Variants in MMEL1 observed in about 807,000 individuals in gnomAD.
MMEL1 encodes the protein membrane metallo-endopeptidase-like 1.
In MMEL1, 98 loss-of-function variants were observed where a neutral mutation model predicts 117.1. The ratio of observed to expected loss-of-function variants is 0.84; its 90% CI spans 0.71 to 0.99. The LOEUF (loss-of-function observed/expected upper bound fraction) is 0.99. Among genes scored for constraint, MMEL1 ranks in the 50% least tolerant of loss-of-function variants. The probability of loss-of-function intolerance (pLI) is 0.00; values close to 1 mark genes in which losing one functional copy is unlikely to be tolerated. For synonymous variants in MMEL1, 390 were observed against 415.1 expected (o/e 0.94, Z 0.74); for missense variants, 1,014 against 1,049.1 (o/e 0.97, Z 0.46).
At position 2,612,818 on chromosome 1, in the gene MMEL1, A is replaced by G. The variant is rs963142948; in HGVS notation, c.155-614T>C. ...AACTGCCTGGAGAGATGTATGGGAG[A>G]GGAGGGTGGGATGGAGAGAAGAGGG... On this transcript the variant is annotated intron_variant, in intron 2 of 23. Coordinates refer to ENST00000378412, the MANE Select transcript of MMEL1 (RefSeq NM_033467.4). This position sits in a 1 kb window ranked among gnomAD's most constrained non-coding sequence, Gnocchi z 5.4. Among the ~76,000 whole-genome samples, 4 of 151,914 alleles carry G rather than the reference A, an allele frequency of 2.6e-5. No individual in the cohort carries two copies. The highest frequency in any genetic ancestry group is 2.9e-5 in the Non-Finnish European group (2 of 67,962).
At chr1:2,608,195 G>C (rs558622698) in intron 6 of MMEL1, among the ~76,000 whole-genome samples, 1 of 152,050 alleles carries the variant, frequency 6.6e-6, no homozygotes, top group Non-Finnish European at 1.5e-5. Context: ...TAAAGCCAGG[G>C]TCCCAGCGAG....
Position 2,598,846 on chromosome 1 carries a change from C to A in MMEL1, c.1042-56G>T. The A allele has an allele frequency of 5.4e-6, 8 of 1,483,180 alleles. No individual in the cohort carries two copies. The South Asian group carries it at 9.7e-5, about 18-fold the overall frequency. The allele number at this position is 1,483,180 out of a possible 1,614,324, so 91.9% of individuals were successfully genotyped here. A position where few individuals can be genotyped will look rare whatever the true frequency, so the allele number is the denominator to read the frequency against. On this transcript the variant is annotated intron_variant, in intron 11 of 23. Coordinates refer to ENST00000378412, the MANE Select transcript of MMEL1 (RefSeq NM_033467.4). ...GAGAGAGAGAGAGGGAGAAACAGTT[C>A]CTGGGAATCTAAGAAACCCAGCCCC...
chr1:2,616,742 G>C (rs1414422044), intron 2 of MMEL1, among the ~76,000 whole-genome samples: 1 of 152,200 alleles, frequency 6.6e-6, no homozygotes, highest in Admixed American at 6.5e-5. Flanking sequence ...CAGTGCCTCT[G>C]ATTCATTTGT....
chr1:2,628,155 G>A (rs925010591), intron 2 of MMEL1, among the ~76,000 whole-genome samples: 4 of 152,344 alleles, frequency 2.6e-5, no homozygotes, highest in South Asian at 4.1e-4. Context: ...CTCAGTGTGA[G>A]TGAGCCTTTC....
chr1:2,609,270 G>A (rs1347910216), intron 6 of MMEL1, 69 bp downstream of exon 6: 7 of 1,490,304 alleles, frequency 4.7e-6, no homozygotes, highest in African/African-American at 2.8e-5. Flanking sequence ...CTGGGGCTGC[G>A]CTAGGCCCTG....
chr1:2,611,365 A>C, intron 3 of MMEL1, 25 bp from the exon 4 acceptor site: 1 of 1,457,198 alleles, frequency 6.9e-7, no homozygotes, highest in Non-Finnish European at 9.1e-7. Flanking sequence ...CAGCCTGAGC[A>C]CCGGGAGCCA....
chr1:2,595,209 C>T lies in MMEL1; in HGVS notation c.1584+67G>A. On this transcript the variant is annotated intron_variant, in intron 16 of 23. Transcript: ENST00000378412. This position sits in a 1 kb window ranked among gnomAD's most constrained non-coding sequence, Gnocchi z 4.8. ...GGGCACAGAGCTTGGCACAGAGGAG[C>T]CCCCAGGCAATCAGGGCCCATGTCC... 7.0e-7 allele frequency: 1 copy of T among 1,422,088 alleles called. No individual in the cohort carries two copies. Among genetic ancestry groups the T allele is most frequent in the Non-Finnish European group, 9.8e-7 (1 of 1,017,464 alleles). The allele number at this position is 1,422,088 out of a possible 1,614,324, so 88.1% of individuals were successfully genotyped here.
chr1:2,608,955 CA>C (rs1213753409), intron 6 of MMEL1, among the ~76,000 whole-genome samples: 1 of 151,858 alleles, frequency 6.6e-6, no homozygotes, highest in Non-Finnish European at 1.5e-5. Context: ...AATATACATA[CA>C]TATACACACA....
At position 2,595,842 on chromosome 1, in the gene MMEL1, G is replaced by A. The variant is rs534968698; in HGVS notation, c.1500+167C>T. ...CGCCTCCCGGGGCTGCCTTCTCCCC[G>A]TGGGGTCCTGTCTGCGCCTCCCGGG... On this transcript the variant is annotated intron_variant, in intron 15 of 23. Coordinates refer to ENST00000378412, the MANE Select transcript of MMEL1 (RefSeq NM_033467.4). The surrounding 1 kb of genome is among the most constrained non-coding windows in gnomAD (Gnocchi z 4.8). Among the ~76,000 whole-genome samples, 12 of 148,264 alleles carry A rather than the reference G, an allele frequency of 8.1e-5. No individual in the cohort carries two copies. The East Asian group carries it at 9.8e-4, about 12-fold the overall frequency.
intron 5 of MMEL1, 93 bp from the exon 6 acceptor site, chr1:2,609,512 G>T: frequency 6.6e-7 from 1 of 1,518,400 alleles, no homozygotes; most frequent in Non-Finnish European, 9.0e-7. Context: ...TCGGCGAGAG[G>T]CGGCCCCCCA....
rs147506475 is a variant in MMEL1 at position 2,632,462 on chromosome 1, T to C, written c.-38+404A>G. On this transcript the variant is annotated intron_variant, in intron 1 of 23. Transcript: ENST00000378412. ...AACTTCTTTCTTTGGTCAGAATTAA[T>C]GAATCTGCTCCTGCGTCCTGAATTC... 5.2e-3 allele frequency: 796 copies of C among 152,540 alleles called. 3 individuals carry two copies. The highest frequency in any genetic ancestry group is 7.0e-3 in the Non-Finnish European group (476 of 68,088). The allele number at this position is 152,540 out of a possible 1,614,324, so 9.4% of individuals were successfully genotyped here.
chr1:2,629,510 C>T lies in MMEL1; in HGVS notation c.-26G>A. 1 of 1,446,642 alleles carries T rather than the reference C, an allele frequency of 6.9e-7. No homozygotes were observed. Among genetic ancestry groups the T allele is most frequent in the Non-Finnish European group, 9.1e-7 (1 of 1,097,246 alleles). 89.6% of individuals were successfully genotyped at this position (1,446,642 alleles called of 1,614,324 possible). A position where few individuals can be genotyped will look rare whatever the true frequency, so the allele number is the denominator to read the frequency against. Reference sequence around the variant, plus strand: ...CAGCAGGGCTCTGGACGGGAGAGCACCGCGGAGGAACCTGCAGGCCCAGGG... The same window carrying T: ...CAGCAGGGCTCTGGACGGGAGAGCATCGCGGAGGAACCTGCAGGCCCAGGG... On this transcript the variant is annotated 5_prime_UTR_variant, in exon 2 of 24. The change creates a new upstream start codon in the 5' untranslated region. Coordinates refer to ENST00000378412, the MANE Select transcript of MMEL1 (RefSeq NM_033467.4).
At chr1:2,598,105 T>C (rs1644874730) in intron 13 of MMEL1, 102 bp downstream of exon 13, 1 of 1,115,366 alleles carries the variant, frequency 9.0e-7, no homozygotes, top group Non-Finnish European at 1.3e-6. Flanking sequence ...TCCATGGCTG[T>C]GACCCTGGTG....
At chr1:2,611,943 A>T (rs1352674728) in intron 3 of MMEL1, among the ~76,000 whole-genome samples, 184 bp downstream of exon 3, 1 of 152,090 alleles carries the variant, frequency 6.6e-6, no homozygotes, top group Non-Finnish European at 1.5e-5. Context: ...AGTGCCCAGT[A>T]AGCCTCCTGC....
intron 2 of MMEL1, among the ~76,000 whole-genome samples, chr1:2,622,613 G>A (rs1212277238): frequency 6.6e-6 from 1 of 152,090 alleles, no homozygotes; most frequent in Non-Finnish European, 1.5e-5. Context: ...GGCCGGGCGC[G>A]GTGGCTCACA....
Position 2,591,927 on chromosome 1 carries a change from G to A in MMEL1, c.2163+5C>T. On this transcript the variant is annotated splice_donor_5th_base_variant and intron_variant, in intron 22 of 23. Coordinates refer to ENST00000378412, the MANE Select transcript of MMEL1 (RefSeq NM_033467.4). ...GGATGGTGGGACCAGGACTGCGGCT[G>A]CCACCTGGGCATAGTTGATGAAGAA... The A allele has an allele frequency of 1.2e-6, 2 of 1,612,498 alleles. No individual in the cohort carries two copies. Among genetic ancestry groups the A allele is most frequent in the South Asian group, 1.1e-5 (1 of 91,064 alleles).
chr1:2,608,496 A>G (rs1645066180), intron 6 of MMEL1, among the ~76,000 whole-genome samples: 1 of 127,920 alleles, frequency 7.8e-6, no homozygotes, highest in Non-Finnish European at 1.6e-5. Context: ...CACACATAAC[A>G]TGTATACACA....
At chr1:2,593,592 G>A (rs948309302) in intron 19 of MMEL1, among the ~76,000 whole-genome samples, 3 of 152,214 alleles carry the variant, frequency 2.0e-5, no homozygotes, top group Non-Finnish European at 4.4e-5. Context: ...GTCATGGGCT[G>A]GAGTCCCTGG....
chr1:2,594,939 C>T, intron 16 of MMEL1, 46 bp from the exon 17 acceptor site: 1 of 1,536,394 alleles, frequency 6.5e-7, no homozygotes, highest in Non-Finnish European at 9.0e-7. Flanking sequence ...GCCGGGCCCT[C>T]AGAGGAGCAA....
Sources: allele counts gnomAD v4.1 joint callset (sites outside exome capture counted in the v4.1 genomes callset), GRCh38; gene constraint gnomAD v4.1.1; non-coding constraint Gnocchi (gnomAD v3.1); transcripts MANE v1.5; gene names NCBI Gene and HGNC (gene_info 2026-07-23, HGNC 2026-07-21).